The following C8orf34 variants were observed in gnomAD, a reference collection of about 807,000 sequenced individuals.
C8orf34 encodes the protein uncharacterized protein C8orf34.
C8orf34 carries 65 observed loss-of-function variants against 68.3 expected under a neutral mutation model. That is an observed-to-expected ratio of 0.95 (90% CI 0.78 to 1.17). C8orf34 has a LOEUF of 1.17. Among genes scored for constraint, C8orf34 ranks in the 50% most tolerant of loss-of-function variants. The pLI is 0.00. For synonymous variants in C8orf34, 244 were observed against 241.2 expected, an observed-to-expected ratio of 1.01 and a Z score of -0.11; for missense variants, 664 against 655.4, an observed-to-expected ratio of 1.01 and a Z score of -0.14.
intron 12 of C8orf34, among the ~76,000 whole-genome samples, chr8:68,811,599 A>C (rs762333757): frequency 6.6e-6 from 1 of 152,186 alleles, no homozygotes; most frequent in Non-Finnish European, 1.5e-5. Flanking sequence ...CATTAAATAG[A>C]TCCGCCAAAT....
intron 12 of C8orf34, among the ~76,000 whole-genome samples, chr8:68,797,744 T>G (rs1824219542): frequency 6.6e-6 from 1 of 152,156 alleles, no homozygotes; most frequent in African/African-American, 2.4e-5. Flanking sequence ...AAGTGTGCAC[T>G]GTATGGAATA....
intron 7 of C8orf34, among the ~76,000 whole-genome samples, chr8:68,615,992 T>G (rs570483577): frequency 2.6e-5 from 4 of 150,948 alleles, no homozygotes; most frequent in African/African-American, 4.9e-5. Flanking sequence ...TATTCAGAGA[T>G]TAAACTTCTT....
At chr8:68,350,946 T>C (rs956580298) in intron 1 of C8orf34, among the ~76,000 whole-genome samples, 3 of 152,056 alleles carry the variant, frequency 2.0e-5, no homozygotes, top group Non-Finnish European at 4.4e-5. Context: ...GTGGGACATA[T>C]AGTCCGTTTA....
chr8:68,527,416 CA>C (rs1563508961), intron 6 of C8orf34, among the ~76,000 whole-genome samples: 1 of 151,884 alleles, frequency 6.6e-6, no homozygotes, highest in African/African-American at 2.4e-5. Flanking sequence ...ACTAAAAATA[CA>C]AAAAATTAGC....
chr8:68,364,813 C>A (rs1410717942), intron 1 of C8orf34, among the ~76,000 whole-genome samples: 1 of 150,810 alleles, frequency 6.6e-6, no homozygotes, highest in Non-Finnish European at 1.5e-5. Flanking sequence ...AAAATTGACA[C>A]CCTAACATCA....
At position 68,774,329 on chromosome 8, in the gene C8orf34, G is replaced by GTATATATATATATATATATATATA. The variant is rs1237765866; in HGVS notation, c.1405-2069_1405-2068insATATATATATATATATATATATAT. ...TCTATGTATAAAAATATGGGTGTGT[G>GTATATATATATATATATATATATA]TGTATATATATATATATATAAAATA... On this transcript the variant is annotated intron_variant, in intron 10 of 13. Coordinates refer to ENST00000518698, the MANE Select transcript of C8orf34 (RefSeq NM_052958.4). Among the ~76,000 whole-genome samples the GTATATATATATATATATATATATA allele has an allele frequency of 1.4e-3, 174 of 126,838 alleles. 1 individual carries two copies. The highest frequency in any genetic ancestry group is 5.2e-3 in the African/African-American group (150 of 29,092). 83.2% of individuals were successfully genotyped at this position (126,838 alleles called of 152,430 possible). A position where few individuals can be genotyped will look rare whatever the true frequency, so the allele number is the denominator to read the frequency against.
At chr8:68,614,518 T>C (rs1291869259) in intron 7 of C8orf34, among the ~76,000 whole-genome samples, 2 of 152,190 alleles carry the variant, frequency 1.3e-5, no homozygotes, top group South Asian at 2.1e-4. Context: ...GGCTAGCCAG[T>C]TTTCCCAGCA....
At chr8:68,810,574 G>T (rs944404354) in intron 12 of C8orf34, among the ~76,000 whole-genome samples, 1 of 152,182 alleles carries the variant, frequency 6.6e-6, no homozygotes, top group Non-Finnish European at 1.5e-5. Context: ...TTGTGTTAAA[G>T]CTCTTTCAGT....
intron 2 of C8orf34, among the ~76,000 whole-genome samples, chr8:68,442,351 A>G (rs1003719875): frequency 6.6e-6 from 1 of 152,198 alleles, no homozygotes; most frequent in Admixed American, 6.5e-5. Context: ...TTAATTAATC[A>G]TGGAAACTAT....
At chr8:68,744,083 C>T (rs1173931355) in intron 10 of C8orf34, among the ~76,000 whole-genome samples, 2 of 152,174 alleles carry the variant, frequency 1.3e-5, no homozygotes, top group Non-Finnish European at 1.5e-5. Context: ...ACCCCTGACC[C>T]CCAAGCAGCC....
At chr8:68,423,567 A>G (rs1810074947) in intron 1 of C8orf34, among the ~76,000 whole-genome samples, 1 of 152,122 alleles carries the variant, frequency 6.6e-6, no homozygotes, top group Non-Finnish European at 1.5e-5. Context: ...AGCTCCAAAC[A>G]TTCCCACATT....
chr8:68,330,748 T>A (rs1971527), upstream of C8orf34: 146,799 of 371,510 alleles, frequency 0.4, 30,983 homozygotes, highest in Non-Finnish European at 0.44. Flanking sequence ...CCGGGCTGTT[T>A]GTTCCGTCAC....
chr8:68,647,341 C>T (rs1819207735), intron 8 of C8orf34, among the ~76,000 whole-genome samples: 1 of 152,090 alleles, frequency 6.6e-6, no homozygotes, highest in Non-Finnish European at 1.5e-5. Flanking sequence ...AACAATTGTG[C>T]ACTGTTGGAG....
At chr8:68,502,288 G>C (rs7844124) in intron 5 of C8orf34, among the ~76,000 whole-genome samples, 1 of 152,026 alleles carries the variant, frequency 6.6e-6, no homozygotes, top group Non-Finnish European at 1.5e-5. Context: ...GAGGAATCAG[G>C]TTCCCTTAGA....
At chr8:68,492,108 C>T (rs1321017345) in intron 5 of C8orf34, among the ~76,000 whole-genome samples, 2 of 152,174 alleles carry the variant, frequency 1.3e-5, no homozygotes, top group African/African-American at 4.8e-5. Flanking sequence ...TCTAGGGAAC[C>T]CTACCTAAGA....
At chr8:68,651,087 C>T (rs1266141611) in intron 8 of C8orf34, among the ~76,000 whole-genome samples, 1 of 152,196 alleles carries the variant, frequency 6.6e-6, no homozygotes, top group East Asian at 1.9e-4. Flanking sequence ...TTCTTTCTAG[C>T]TCCTCTATCA....
intron 1 of C8orf34, among the ~76,000 whole-genome samples, chr8:68,395,677 G>A (rs1244213426): frequency 6.6e-6 from 1 of 152,106 alleles, no homozygotes; most frequent in Admixed American, 6.6e-5. Context: ...GGAGTTCATA[G>A]TCTATGAAGA....
intron 1 of C8orf34, among the ~76,000 whole-genome samples, chr8:68,368,177 A>C (rs1807396758): frequency 6.6e-6 from 1 of 152,116 alleles, no homozygotes. Flanking sequence ...CTGAAATTGC[A>C]CCGGAAAGTA....
intron 1 of C8orf34, among the ~76,000 whole-genome samples, chr8:68,386,093 G>A (rs1245536997): frequency 6.6e-6 from 1 of 152,088 alleles, no homozygotes; most frequent in East Asian, 1.9e-4. Flanking sequence ...TTTCTATAGA[G>A]ATGAGGTCTT....
Sources: allele counts gnomAD v4.1 joint callset (sites outside exome capture counted in the v4.1 genomes callset), GRCh38; gene constraint gnomAD v4.1.1; transcripts MANE v1.5; gene names NCBI Gene and HGNC (gene_info 2026-07-23, HGNC 2026-07-21).